The following NTM variants were observed in gnomAD, a reference collection of about 807,000 sequenced individuals.
NTM encodes neurotrimin.
NTM carries 13 observed loss-of-function variants against 42.1 expected under a neutral mutation model. The ratio of observed to expected loss-of-function variants is 0.31; its 90% confidence interval spans 0.20 to 0.49. NTM has a LOEUF of 0.49. NTM is among the 20% of genes least tolerant of loss of function. The probability of loss-of-function intolerance (pLI) is 0.99; values close to 1 mark genes in which losing one functional copy is unlikely to be tolerated. For missense variants in NTM, 373 were observed against 452.8 expected (o/e 0.82, Z 1.60); for synonymous variants, 187 against 179.2 (o/e 1.04, Z -0.35).
intron 3 of NTM, 27 bp from the exon 4 acceptor site, chr11:132,211,995 T>C: frequency 1.2e-6 from 2 of 1,601,484 alleles, no homozygotes; most frequent in Non-Finnish European, 1.7e-6. Context: ...GGAGGATTTT[T>C]ATTTTCATTC....
intron 2 of NTM, among the ~76,000 whole-genome samples, chr11:131,998,911 C>T (rs2068654151): frequency 6.6e-6 from 1 of 152,136 alleles, no homozygotes; most frequent in Admixed American, 6.5e-5. Context: ...TGTGCCATTT[C>T]AACTTTTTAG....
At chr11:132,053,040 G>A (rs901419389) in intron 2 of NTM, among the ~76,000 whole-genome samples, 1 of 152,148 alleles carries the variant, frequency 6.6e-6, no homozygotes, top group Non-Finnish European at 1.5e-5. Flanking sequence ...GCTTTCCACT[G>A]CATTTTCCTT....
chr11:132,119,035 C>T (rs550429341), intron 2 of NTM, among the ~76,000 whole-genome samples: 5 of 152,262 alleles, frequency 3.3e-5, no homozygotes, highest in South Asian at 4.2e-4. Context: ...CAGTTTCCAG[C>T]GGATGAAAAG....
intron 1 of NTM, among the ~76,000 whole-genome samples, chr11:131,733,729 G>C (rs1044035042): frequency 3.3e-5 from 5 of 152,018 alleles, no homozygotes; most frequent in African/African-American, 1.2e-4. Flanking sequence ...AGAGATGGGG[G>C]GGTTTGCCAT....
At chr11:132,075,906 A>G (rs1239420391) in intron 2 of NTM, among the ~76,000 whole-genome samples, 2 of 152,234 alleles carry the variant, frequency 1.3e-5, no homozygotes, top group African/African-American at 2.4e-5. Flanking sequence ...TTCTTATGCA[A>G]TAGGTAACCT....
chr11:132,058,012 TA>T (rs1440865873), intron 2 of NTM, among the ~76,000 whole-genome samples: 5 of 152,226 alleles, frequency 3.3e-5, no homozygotes, highest in Admixed American at 3.3e-4. Context: ...AATATTTTTT[TA>T]TCTCTCTGTG....
chr11:131,951,296 A>G (rs2060955748), intron 2 of NTM, among the ~76,000 whole-genome samples: 1 of 152,068 alleles, frequency 6.6e-6, no homozygotes, highest in African/African-American at 2.4e-5. Context: ...TTCTCGGCAG[A>G]TGGACCATGT....
intron 2 of NTM, among the ~76,000 whole-genome samples, chr11:132,083,290 C>T (rs983600276): frequency 1.3e-5 from 2 of 152,162 alleles, no homozygotes; most frequent in African/African-American, 4.8e-5. Flanking sequence ...CTCTCCAGTC[C>T]TTATTTTTGT....
intron 7 of NTM, among the ~76,000 whole-genome samples, chr11:132,327,306 G>A (rs1237407508): frequency 6.6e-6 from 1 of 152,184 alleles, no homozygotes; most frequent in Non-Finnish European, 1.5e-5. Flanking sequence ...CAGTGGGCTG[G>A]TAAAGGTTGA....
chr11:131,816,320 A>G (rs3740822), intron 1 of NTM, among the ~76,000 whole-genome samples: 65,024 of 151,958 alleles, frequency 0.43, 16,155 homozygotes, highest in Admixed American at 0.6. Flanking sequence ...TACAATGTCC[A>G]TGCCTTAGTC....
chr11:132,127,473 T>TAACAC (rs2066035059), intron 2 of NTM, among the ~76,000 whole-genome samples: 1 of 152,238 alleles, frequency 6.6e-6, no homozygotes. Flanking sequence ...GAGCCCTCTA[T>TAACAC]AACACAGGTC....
intron 1 of NTM, among the ~76,000 whole-genome samples, chr11:131,498,705 G>A (rs908847127): frequency 6.6e-6 from 1 of 152,174 alleles, no homozygotes; most frequent in Non-Finnish European, 1.5e-5. Flanking sequence ...GTGGCCTCTG[G>A]GCTGATCTGG....
chr11:131,812,194 C>G (rs7942356), intron 1 of NTM, among the ~76,000 whole-genome samples: 4 of 24,820 alleles, frequency 1.6e-4, no homozygotes, highest in African/African-American at 3.9e-4. Context: ...CTCTCTCTCT[C>G]TCTCTCTCTC....
At chr11:132,218,579 C>A (rs3099764) in intron 4 of NTM, among the ~76,000 whole-genome samples, 55,652 of 151,934 alleles carry the variant, frequency 0.37, 10,701 homozygotes, top group Middle Eastern at 0.54. Flanking sequence ...GTATCTCCTG[C>A]ACTGCCAGCT....
At chr11:132,228,135 G>A (rs1255711203) in intron 4 of NTM, among the ~76,000 whole-genome samples, 1 of 152,182 alleles carries the variant, frequency 6.6e-6, no homozygotes, top group Non-Finnish European at 1.5e-5. Flanking sequence ...TGAAGGGAGT[G>A]GAAGTGCAGG....
chr11:131,561,169 C>A (rs947817850), intron 1 of NTM, among the ~76,000 whole-genome samples: 3 of 152,200 alleles, frequency 2.0e-5, no homozygotes, highest in African/African-American at 7.2e-5. Flanking sequence ...CGCTTCCATT[C>A]ACTGGGCCCC....
At chr11:131,524,038 G>T (rs1405463792) in intron 1 of NTM, among the ~76,000 whole-genome samples, 5 of 152,146 alleles carry the variant, frequency 3.3e-5, no homozygotes, top group African/African-American at 1.2e-4. Context: ...GGTCTAGTTA[G>T]CTTCTGTTGT....
chr11:131,543,245 C>A (rs184191686), intron 1 of NTM, among the ~76,000 whole-genome samples: 1 of 152,308 alleles, frequency 6.6e-6, no homozygotes, highest in East Asian at 1.9e-4. Context: ...CCATTACCTC[C>A]CCTGTTTTCA....
intron 1 of NTM, among the ~76,000 whole-genome samples, chr11:131,772,599 T>A (rs1008030469): frequency 3.3e-5 from 5 of 152,122 alleles, no homozygotes; most frequent in Admixed American, 3.3e-4. Context: ...CAGAGGGAGC[T>A]TGAAAGCAGA....
Sources: gnomAD v4.1 joint callset for allele counts (sites outside exome capture counted in the v4.1 genomes callset) on GRCh38, gnomAD v4.1.1 for gene constraint, MANE v1.5 for transcripts, NCBI Gene and HGNC (gene_info 2026-07-23, HGNC 2026-07-21) for gene names.